The following MYH9 variants were observed in gnomAD, a reference collection of about 807,000 sequenced individuals.
MYH9 encodes myosin-9.
Under a neutral mutation model 241.9 loss-of-function variants are expected in MYH9, and 29 were observed. The observed-to-expected ratio is 0.12, with a 90% CI of 0.09 to 0.16. The LOEUF is 0.16. Among genes scored for constraint, MYH9 ranks in the 10% least tolerant of loss-of-function variants. The pLI is 1.00. For synonymous variants in MYH9, 1,047 were observed against 1,062.6 expected (o/e 0.99, Z 0.29); for missense variants, 1,803 against 2,595.5 (o/e 0.69, Z 6.63).
Position 36,293,237 on chromosome 22 carries a change from A to G in MYH9, c.4095+92T>C. 1 of 1,543,008 alleles carries G rather than the reference A, an allele frequency of 6.5e-7. No individual in the cohort carries two copies. The highest frequency in any genetic ancestry group is 8.9e-7 in the Non-Finnish European group (1 of 1,125,984). On this transcript the variant is annotated intron_variant, in intron 30 of 40. Transcript: ENST00000216181. This position sits in a 1 kb window ranked among gnomAD's most constrained non-coding sequence, Gnocchi z 5.1. Reference sequence around the variant, plus strand: ...GGGGAGAGCAGCAATGGGCCGGCCCAGCGGGCAGGGCTGTCCTGCAGTGCC... The same window carrying G: ...GGGGAGAGCAGCAATGGGCCGGCCCGGCGGGCAGGGCTGTCCTGCAGTGCC...
chr22:36,318,591 G>A (rs1437162300), intron 10 of MYH9, among the ~76,000 whole-genome samples: 1 of 152,136 alleles, frequency 6.6e-6, no homozygotes, highest in Non-Finnish European at 1.5e-5. Context: ...TGAGCCCCAC[G>A]GGGCAGAGAG....
intron 6 of MYH9, 51 bp downstream of exon 6, chr22:36,322,378 T>G: frequency 1.3e-6 from 2 of 1,592,172 alleles, no homozygotes; most frequent in Non-Finnish European, 1.7e-6. Context: ...GAGCCAAAGC[T>G]CCGGGCAAGG....
chr22:36,310,122 T>G (rs1214098467), intron 14 of MYH9, among the ~76,000 whole-genome samples: 3 of 152,044 alleles, frequency 2.0e-5, no homozygotes, highest in Non-Finnish European at 4.4e-5. Context: ...TGGTGGCACG[T>G]GCCTGTAATC....
In MYH9 at chr22:36,281,646, C is replaced by T. The variant is rs1246059533; in HGVS notation, c.*1022G>A. On this transcript the variant is annotated 3_prime_UTR_variant, in exon 41 of 41. Transcript: ENST00000216181. ...CTAAACAAAGGCAGTGAGAAAGACT[C>T]GGAATTTTATCATTTATTACAAGAA... The T allele has an allele frequency of 5.2e-5, 12 of 230,112 alleles. No homozygotes were observed. The highest frequency in any genetic ancestry group is 3.4e-5 in the Non-Finnish European group (4 of 115,944). 14.3% of individuals were successfully genotyped at this position (230,112 alleles called of 1,614,324 possible).
At chr22:36,365,477 AT>A (rs898794376) in intron 1 of MYH9, among the ~76,000 whole-genome samples, 2 of 150,466 alleles carry the variant, frequency 1.3e-5, no homozygotes, top group African/African-American at 2.4e-5. Flanking sequence ...TTTTTATTTT[AT>A]TTTTTTTTGA....
intron 1 of MYH9, among the ~76,000 whole-genome samples, chr22:36,368,060 C>T (rs915336462): frequency 2.0e-5 from 3 of 152,298 alleles, no homozygotes; most frequent in South Asian, 2.1e-4. Flanking sequence ...GGGATATGGC[C>T]GAAGTCAGGC....
chr22:36,296,878 G>A lies in MYH9; in HGVS notation c.3237C>T (p.Ala1079=). The change falls in exon 25 of 41, where the codon GCC becomes GCT. Residue 1079 remains alanine (A), a synonymous_variant. Transcript: ENST00000216181. ...CGGCCTGGAGCTCCTCCTCTTTCTTGGCCAGCTGCATCTTGAGCTCCGCGA... is the reference window on the plus strand; with the variant it reads ...CGGCCTGGAGCTCCTCCTCTTTCTTAGCCAGCTGCATCTTGAGCTCCGCGA... ...AQIAELKMQL[A]KKEEELQAAL... is the part of the protein sequence containing the mutation. 1 of 1,613,140 alleles carries A rather than the reference G, an allele frequency of 6.2e-7. No individual in the cohort carries two copies. The highest frequency in any genetic ancestry group is 8.5e-7 in the Non-Finnish European group (1 of 1,179,690).
intron 2 of MYH9, 46 bp downstream of exon 2, chr22:36,348,858 C>CCCCCCCCCCCCCCCCCCCCCCCG: frequency 8.4e-7 from 1 of 1,184,594 alleles, no homozygotes. Context: ...CCCCCCACCT[C>CCCCCCCCCCCCCCCCCCCCCCCG]GGAGCCCTCA....
At chr22:36,383,857 G>A (rs2018297107) in intron 1 of MYH9, among the ~76,000 whole-genome samples, 1 of 151,862 alleles carries the variant, frequency 6.6e-6, no homozygotes, top group African/African-American at 2.4e-5. Flanking sequence ...CTATTCGGGA[G>A]GTTGAGGCAT....
rs114980304 is a variant in MYH9, at chr22:36,297,110, G to A, written c.3101-96C>T. 244 of 1,399,258 alleles carry A rather than the reference G, an allele frequency of 1.7e-4. No homozygotes were observed. In the African/African-American group the frequency reaches 2.5e-3, roughly 14 times the overall value. The allele number at this position is 1,399,258 out of a possible 1,614,324, so 86.7% of individuals were successfully genotyped here. On this transcript the variant is annotated intron_variant, in intron 24 of 40. Transcript: ENST00000216181. Reference sequence around the variant, plus strand: ...AAATACTGAGCACTCGTTATGAAACGTGTGTCAGGCTTAAAGCATCACAAA... The same window carrying A: ...AAATACTGAGCACTCGTTATGAAACATGTGTCAGGCTTAAAGCATCACAAA...
intron 1 of MYH9, among the ~76,000 whole-genome samples, chr22:36,380,028 C>G (rs968466392): frequency 1.3e-5 from 2 of 152,248 alleles, no homozygotes; most frequent in Non-Finnish European, 2.9e-5. Context: ...GGACAGGGAG[C>G]TGGGTACAGA....
intron 2 of MYH9, 130 bp downstream of exon 2, chr22:36,348,774 A>G: frequency 1.2e-6 from 1 of 832,234 alleles, no homozygotes; most frequent in Non-Finnish European, 2.0e-6. Flanking sequence ...TCACCCCAGC[A>G]CTCCTTCAAG....
At chr22:36,377,415 T>C (rs1453661381) in intron 1 of MYH9, among the ~76,000 whole-genome samples, 1 of 151,622 alleles carries the variant, frequency 6.6e-6, no homozygotes, top group Non-Finnish European at 1.5e-5. Context: ...TAACAGCCTT[T>C]CTAAAAAAAA....
Position 36,285,713 on chromosome 22 carries a change from T to TC in MYH9, c.5218dup (p.Glu1740GlyfsTer52). On this transcript the variant is annotated frameshift_variant, in exon 37 of 41. Coordinates refer to ENST00000216181, the MANE Select transcript of MYH9 (RefSeq NM_002473.6). LOFTEE classifies it high-confidence loss of function. The surrounding 1 kb of genome is among the most constrained non-coding windows in gnomAD (Gnocchi z 7.0). ...GATCAGCTCCGTGTTGCCCTGCTCC[T>TC]CCTCCAGCTCCTCCTCCAGCTGGGC... The TC allele has an allele frequency of 6.2e-7, 1 of 1,613,122 alleles. No individual in the cohort carries two copies. Among genetic ancestry groups the TC allele is most frequent in the Non-Finnish European group, 8.5e-7 (1 of 1,179,946 alleles).
chr22:36,338,099 G>T (rs1970743041), intron 3 of MYH9, among the ~76,000 whole-genome samples: 1 of 151,910 alleles, frequency 6.6e-6, no homozygotes, highest in Admixed American at 6.6e-5. Context: ...CCAGGTTCAA[G>T]CAATTCTCAT....
At chr22:36,287,730 A>G (rs1055694661) in intron 34 of MYH9, among the ~76,000 whole-genome samples, 3 of 152,262 alleles carry the variant, frequency 2.0e-5, no homozygotes, top group African/African-American at 7.2e-5. Context: ...CGACAGAGCG[A>G]GACTCCGTCT....
At chr22:36,364,423 T>C (rs1808172285) in intron 1 of MYH9, among the ~76,000 whole-genome samples, 1 of 152,122 alleles carries the variant, frequency 6.6e-6, no homozygotes, top group South Asian at 2.1e-4. Flanking sequence ...CAAATCTGCG[T>C]CACCCACTCT....
chr22:36,336,555 G>C lies in MYH9; in HGVS notation c.490+4815C>G, dbSNP rs929033. ...TTTGGTGCCATCACAGAGTTCCGAG[G>C]AACAGTCCAATCCCCAAGGCAGGAA... On this transcript the variant is annotated intron_variant, in intron 3 of 40. Coordinates refer to ENST00000216181, the MANE Select transcript of MYH9 (RefSeq NM_002473.6). 1.5e-3 allele frequency among the ~76,000 whole-genome samples: 231 copies of C among 152,342 alleles called. 1 individual carries two copies. The highest frequency in any genetic ancestry group is 2.8e-3 in the Non-Finnish European group (189 of 68,036).
rs2016633422 is a variant in MYH9 at position 36,288,752 on chromosome 22, T to C, written c.4745A>G (p.Glu1582Gly). 2 of 1,606,218 alleles carry C rather than the reference T, an allele frequency of 1.2e-6. No individual in the cohort carries two copies. Among genetic ancestry groups the C allele is most frequent in the Non-Finnish European group, 1.7e-6 (2 of 1,179,970 alleles). ...CTGTCTGACCAGCTGCTTCTTCTTC[T>C]CCTCGCTCTGCTCGTCCCGGCCCTG... is the stretch of plus-strand genomic sequence containing the variant. ...DLQGRDEQSE[E>G]KKKQLVRQVR... Residue 1582 changes from glutamate (E) to glycine (G), a missense_variant, in exon 33 of 41, where the codon GAG (glutamate) becomes GGG (glycine). By Grantham distance (98) the Glu-to-Gly change is moderately conservative. This residue lies in a region of MYH9 where 876 missense variants were observed against 1,077.8 expected (regional missense o/e 0.81). Coordinates refer to ENST00000216181, the MANE Select transcript of MYH9 (RefSeq NM_002473.6). This position sits in a 1 kb window ranked among gnomAD's most constrained non-coding sequence, Gnocchi z 4.8.
Sources: gnomAD v4.1 joint callset for allele counts (sites outside exome capture counted in the v4.1 genomes callset) on GRCh38, gnomAD v4.1.1 for gene constraint, gnomAD v4.1.1 regional missense constraint, Gnocchi (gnomAD v3.1) non-coding constraint, MANE v1.5 for transcripts, NCBI Gene and HGNC (gene_info 2026-07-23, HGNC 2026-07-21) for gene names.